AKAP9: variants seen among roughly 807,000 people sequenced by gnomAD.
AKAP9 encodes A-kinase anchor protein 9.
AKAP9 carries 311 observed loss-of-function variants against 488.5 expected under a neutral mutation model. The observed-to-expected ratio is 0.64, with a 90% CI of 0.58 to 0.70. AKAP9 has a LOEUF of 0.70. Ranked by LOEUF, AKAP9 falls within the 30% of genes least tolerant of loss-of-function variation. AKAP9 has a pLI of 0.00. For missense variants in AKAP9, 4,215 were observed against 4,374.5 expected (o/e 0.96, Z 1.03); for synonymous variants, 1,462 against 1,483.5 (o/e 0.99, Z 0.33).
At chr7:92,097,908 GT>G in intron 42 of AKAP9, 114 bp downstream of exon 42, 1 of 1,048,308 alleles carries the variant, frequency 9.5e-7, no homozygotes, top group Non-Finnish European at 1.5e-6. Flanking sequence ...GGTAATGCGT[GT>G]TTACATTAGG....
At position 92,038,521 on chromosome 7, in the gene AKAP9, T is replaced by A. The variant is rs781436411; in HGVS notation, c.4441T>A (p.Cys1481Ser). ...ATCATCAAAGCAAGCACATGCTGTG[T>A]GTCAGCAAGAACAACATTATTTTAA... is the stretch of plus-strand genomic sequence containing the variant. ...TASSKQAHAV[C>S]QQEQHYFNEM... is the part of the protein sequence containing the mutation. The change falls in exon 17 of 50, where the codon TGT becomes AGT. Residue 1481 changes from cysteine (C) to serine (S), a missense_variant. Transcript: ENST00000356239. The A allele has an allele frequency of 6.2e-7, 1 of 1,613,824 alleles. No individual in the cohort carries two copies. The highest frequency in any genetic ancestry group is 2.2e-5 in the East Asian group (1 of 44,818).
intron 14 of AKAP9, among the ~76,000 whole-genome samples, chr7:92,023,496 T>C (rs897897868): frequency 1.3e-5 from 2 of 152,166 alleles, no homozygotes; most frequent in African/African-American, 4.8e-5. Flanking sequence ...GTTACTCCTC[T>C]TTCTCTTATA....
intron 14 of AKAP9, among the ~76,000 whole-genome samples, chr7:92,023,522 A>T (rs1321746566): frequency 1.3e-5 from 2 of 152,118 alleles, no homozygotes; most frequent in African/African-American, 4.8e-5. Context: ...CTTCTAGTCT[A>T]TCAAGACGTC....
chr7:92,050,526 G>A (rs1485697666), intron 21 of AKAP9, among the ~76,000 whole-genome samples: 1 of 152,118 alleles, frequency 6.6e-6, no homozygotes, highest in African/African-American at 2.4e-5. Flanking sequence ...TGTCTTTCTA[G>A]ACAAATAACA....
intron 16 of AKAP9, among the ~76,000 whole-genome samples, chr7:92,037,493 C>G (rs984916453): frequency 6.6e-6 from 1 of 152,172 alleles, no homozygotes; most frequent in African/African-American, 2.4e-5. Flanking sequence ...TTACAGCCAG[C>G]CTTCTTTCAT....
At chr7:92,003,315 A>T (rs781613566) in intron 8 of AKAP9, 80 bp downstream of exon 8, 2 of 1,053,852 alleles carry the variant, frequency 1.9e-6, no homozygotes. Context: ...TTCATAGAAC[A>T]TAAGTTCATA....
At chr7:92,000,497 C>T (rs1044718188) in intron 7 of AKAP9, among the ~76,000 whole-genome samples, 1 of 152,060 alleles carries the variant, frequency 6.6e-6, no homozygotes, top group African/African-American at 2.4e-5. Flanking sequence ...ATAGAGAATA[C>T]TAAATATTTA....
chr7:92,027,887 T>C (rs1224490584), intron 14 of AKAP9, among the ~76,000 whole-genome samples: 1 of 152,138 alleles, frequency 6.6e-6, no homozygotes, highest in Non-Finnish European at 1.5e-5. Context: ...AGAGATCAGA[T>C]TGTTACTGTG....
intron 24 of AKAP9, chr7:92,063,432 C>CTTTTTTTTTTTT (rs35933206): frequency 1.2e-6 from 1 of 837,778 alleles, no homozygotes; most frequent in Non-Finnish European, 1.4e-6. Flanking sequence ...TTTGTTGTGT[C>CTTTTTTTTTTTT]TTTTTTTTTT....
At chr7:92,007,050 G>A (rs114437057) in intron 8 of AKAP9, among the ~76,000 whole-genome samples, 1,594 of 152,068 alleles carry the variant, frequency 0.01, 24 homozygotes, top group African/African-American at 0.037. Flanking sequence ...TGAATAAAAG[G>A]GGGGGAATAA....
chr7:91,945,871 T>A (rs1171811937), intron 1 of AKAP9, among the ~76,000 whole-genome samples: 3 of 152,220 alleles, frequency 2.0e-5, no homozygotes, highest in Admixed American at 6.5e-5. Context: ...GTGAACAGAA[T>A]TAAATAGAGG....
chr7:92,094,584 G>A (rs1216886283), intron 39 of AKAP9, among the ~76,000 whole-genome samples: 3 of 150,868 alleles, frequency 2.0e-5, no homozygotes, highest in Non-Finnish European at 3.0e-5. Context: ...CCTGTAATCC[G>A]AGCACTTTGG....
chr7:92,012,330 TTTTTA>T (rs1800859587), intron 8 of AKAP9, 94 bp from the exon 9 acceptor site: 3 of 1,104,484 alleles, frequency 2.7e-6, no homozygotes, highest in Non-Finnish European at 3.9e-6. Context: ...TTCTCATGAA[TTTTTA>T]AACTCTTGTA....
intron 26 of AKAP9, among the ~76,000 whole-genome samples, chr7:92,068,365 C>CAAAAAAAAAA (rs77237109): frequency 4.3e-5 from 2 of 46,528 alleles, no homozygotes; most frequent in Non-Finnish European, 9.5e-5. Context: ...GACTCCGTCT[C>CAAAAAAAAAA]AAAAAAAAAA....
At chr7:91,979,794 G>A (rs933416089) in intron 2 of AKAP9, among the ~76,000 whole-genome samples, 4 of 152,178 alleles carry the variant, frequency 2.6e-5, no homozygotes, top group Non-Finnish European at 2.9e-5. Flanking sequence ...ACAAAGGGAC[G>A]ATTCATGTCC....
At chr7:92,066,990 C>G (rs1245523675) in intron 26 of AKAP9, among the ~76,000 whole-genome samples, 1 of 152,190 alleles carries the variant, frequency 6.6e-6, no homozygotes, top group Non-Finnish European at 1.5e-5. Flanking sequence ...TAATATCCAA[C>G]TCTGTCTCCA....
rs1428876552 is a variant in AKAP9 at position 92,077,699 on chromosome 7, G to T, written c.6769G>T (p.Asp2257Tyr). ...TGATAATTATTTTTGTTCCTAGGAT[G>T]ACATGGAGAAACTGGGACTTGCCAT... is the stretch of plus-strand genomic sequence containing the variant. ...LEQENKLFKD[D>Y]MEKLGLAIKE... The change falls in exon 30 of 50, where the codon GAC becomes TAC. Residue 2257 changes from aspartate to tyrosine, a missense_variant. Asp to Tyr is a radical substitution (Grantham distance 160). Coordinates refer to ENST00000356239, the MANE Select transcript of AKAP9 (RefSeq NM_005751.5). The T allele has an allele frequency of 1.9e-6, 3 of 1,613,312 alleles. No homozygotes were observed. In the South Asian group the frequency reaches 3.3e-5, roughly 18 times the overall value.
intron 23 of AKAP9, among the ~76,000 whole-genome samples, chr7:92,061,835 G>A (rs1809904784): frequency 6.6e-6 from 1 of 151,650 alleles, no homozygotes. Context: ...AAAGCCCTAT[G>A]CTCTTTTTAA....
Position 92,089,543 on chromosome 7 carries a change from C to T in AKAP9, c.9358+14C>T. ...AACCAAGCCAAGGTATGTTGTATGA[C>T]AAGCTCATATGGTTACACAAACAGG... On this transcript the variant is annotated intron_variant, in intron 38 of 49. Coordinates refer to ENST00000356239, the MANE Select transcript of AKAP9 (RefSeq NM_005751.5). 1.9e-6 allele frequency: 3 copies of T among 1,612,206 alleles called. No homozygotes were observed. Among genetic ancestry groups the T allele is most frequent in the Non-Finnish European group, 2.5e-6 (3 of 1,178,834 alleles).
Sources: gnomAD v4.1 joint callset for allele counts (sites outside exome capture counted in the v4.1 genomes callset) on GRCh38, gnomAD v4.1.1 for gene constraint, MANE v1.5 for transcripts, NCBI Gene and HGNC (gene_info 2026-07-23, HGNC 2026-07-21) for gene names.